IGFBP2: variants seen among roughly 807,000 people sequenced by gnomAD.
IGFBP2 encodes the protein insulin like growth factor binding protein 2.
IGFBP2 carries 12 observed loss-of-function variants against 26.2 expected under a neutral mutation model. The ratio of observed to expected loss-of-function variants is 0.46; its 90% CI spans 0.29 to 0.74. IGFBP2 has a LOEUF of 0.74. Ranked by LOEUF, IGFBP2 falls within the 30% of genes least tolerant of loss-of-function variation. The pLI, the probability that IGFBP2 is intolerant of heterozygous loss-of-function variation, is 0.09. For synonymous variants in IGFBP2, 189 were observed against 200.6 expected (o/e 0.94, Z 0.49); for missense variants, 328 against 441.2 (o/e 0.74, Z 2.30).
At position 216,664,075 on chromosome 2, in the gene IGFBP2, C is replaced by T. The variant is rs370910383; in HGVS notation, c.949C>T (p.Arg317Cys). The change falls in exon 4 of 4, where the codon CGC becomes TGC. Residue 317 changes from arginine to cysteine, a missense_variant. Transcript: ENST00000233809. The surrounding 1 kb of genome is among the most constrained non-coding windows in gnomAD (Gnocchi z 4.6). ...HLFYNEQQEA[R>C]GVHTQRMQ ...CTTCTACAATGAGCAGCAGGAGGCT[C>T]GCGGGGTGCACACCCAGCGGATGCA... The T allele has an allele frequency of 7.0e-5, 113 of 1,612,274 alleles. No homozygotes were observed. Among genetic ancestry groups the T allele is most frequent in the Non-Finnish European group, 9.0e-5 (106 of 1,179,550 alleles).
chr2:216,645,609 A>G (rs1697696821), intron 1 of IGFBP2, among the ~76,000 whole-genome samples: 1 of 152,248 alleles, frequency 6.6e-6, no homozygotes, highest in South Asian at 2.1e-4. Context: ...TCAGATAATC[A>G]AATGAGGTAG....
Position 216,633,650 on chromosome 2 carries a change from C to A in IGFBP2, c.127C>A (p.Pro43Thr). 1 of 1,076,620 alleles carries A rather than the reference C, an allele frequency of 9.3e-7. No homozygotes were observed. Among genetic ancestry groups the A allele is most frequent in the Non-Finnish European group, 1.1e-6 (1 of 892,252 alleles). 66.7% of individuals were successfully genotyped at this position (1,076,620 alleles called of 1,614,324 possible). The change falls in exon 1 of 4, where the codon CCG (proline) becomes ACG (threonine). Residue 43 changes from proline to threonine, a missense_variant. Physicochemically the swap from Pro to Thr is conservative, Grantham distance 38. Coordinates refer to ENST00000233809, the MANE Select transcript of IGFBP2 (RefSeq NM_000597.3). Reference protein sequence around the residue: ...GARAEVLFRCPPCTPERLAAC... With the variant: ...GARAEVLFRCTPCTPERLAAC... ...GCGCGCGGAGGTGCTGTTCCGCTGC[C>A]CGCCCTGCACACCCGAGCGCCTGGC...
Position 216,659,796 on chromosome 2 carries a change from C to T in IGFBP2, c.443-761C>T, listed in dbSNP as rs969352432. Reference sequence around the variant, plus strand: ...GGAGTCATAGTTCCTGTTCTTGGGGCTCTCAGTATAATGGGGTTGGGGTGG... The same window carrying T: ...GGAGTCATAGTTCCTGTTCTTGGGGTTCTCAGTATAATGGGGTTGGGGTGG... On this transcript the variant is annotated intron_variant, in intron 1 of 3. Transcript: ENST00000233809. The T allele has an allele frequency of 1.1e-5, 16 of 1,456,904 alleles. No individual in the cohort carries two copies. The Admixed American group carries it at 2.0e-4, about 18-fold the overall frequency. The allele number at this position is 1,456,904 out of a possible 1,614,324, so 90.2% of individuals were successfully genotyped here.
rs1238036479 is a variant in IGFBP2 at position 216,659,844 on chromosome 2, C to T, written c.443-713C>T. The T allele has an allele frequency of 5.3e-5, 51 of 967,080 alleles. 1 individual carries two copies. Among genetic ancestry groups the T allele is most frequent in the South Asian group, 4.4e-4 (32 of 72,754 alleles). The allele number at this position is 967,080 out of a possible 1,614,324, so 59.9% of individuals were successfully genotyped here. Reference sequence around the variant, plus strand: ...TGGGCTGCACAGACAGACTTGGGAACGAGGGAATGTCAGTGTGGCAGAGCT... The same window carrying T: ...TGGGCTGCACAGACAGACTTGGGAATGAGGGAATGTCAGTGTGGCAGAGCT... On this transcript the variant is annotated intron_variant, in intron 1 of 3. Coordinates refer to ENST00000233809, the MANE Select transcript of IGFBP2 (RefSeq NM_000597.3).
Position 216,661,979 on chromosome 2 carries a change from G to A in IGFBP2, c.794G>A (p.Gly265Asp). Residue 265 changes from glycine to aspartate, a missense_variant, in exon 3 of 4, where the codon GGC (glycine) becomes GAC (aspartate). Gly to Asp is a moderately conservative substitution (Grantham distance 94). Transcript: ENST00000233809. ...CACATCCCCAACTGTGACAAGCATG[G>A]CCTGTACAACCTCAAACAGGTGAGC... The part of the protein sequence containing the change: ...SLHIPNCDKH[G>D]LYNLKQCKMS... The A allele has an allele frequency of 6.2e-7, 1 of 1,614,168 alleles. No individual in the cohort carries two copies. Among genetic ancestry groups the A allele is most frequent in the Non-Finnish European group, 8.5e-7 (1 of 1,180,038 alleles).
chr2:216,661,834 G>A (rs200667577), intron 2 of IGFBP2, 24 bp from the exon 3 acceptor site: 500 of 1,613,744 alleles, frequency 3.1e-4, no homozygotes, highest in Non-Finnish European at 4.0e-4. Flanking sequence ...CACTCCGGGC[G>A]TCCCCTGCTG....
In IGFBP2 at chr2:216,660,923, G is replaced by C. The variant is rs1487170685; in HGVS notation, c.672+137G>C. 4.6e-5 allele frequency: 31 copies of C among 667,950 alleles called. No homozygotes were observed. In the East Asian group the frequency reaches 8.2e-4, roughly 18 times the overall value. The allele number at this position is 667,950 out of a possible 1,614,324, so 41.4% of individuals were successfully genotyped here. A position where few individuals can be genotyped will look rare whatever the true frequency, so the allele number is the denominator to read the frequency against. On this transcript the variant is annotated intron_variant, in intron 2 of 3. Coordinates refer to ENST00000233809, the MANE Select transcript of IGFBP2 (RefSeq NM_000597.3). Reference sequence around the variant, plus strand: ...CACTTTTCTTTCCACAAACATAGTTGTGGAACATAGTTAGTGACCTTTGGG... The same window carrying C: ...CACTTTTCTTTCCACAAACATAGTTCTGGAACATAGTTAGTGACCTTTGGG...
At chr2:216,639,948 T>A (rs1363010393) in intron 1 of IGFBP2, among the ~76,000 whole-genome samples, 1 of 152,124 alleles carries the variant, frequency 6.6e-6, no homozygotes, top group East Asian at 1.9e-4. Context: ...TGGCCTATTT[T>A]AATTTTTTAA....
chr2:216,662,760 A>C (rs1056643742), intron 3 of IGFBP2: 2 of 149,392 alleles, frequency 1.3e-5, no homozygotes, highest in South Asian at 2.1e-4. Flanking sequence ...GCTCACTGCA[A>C]CCTCCGCCTG....
chr2:216,650,537 T>C (rs1165259214), intron 1 of IGFBP2, among the ~76,000 whole-genome samples: 1 of 152,188 alleles, frequency 6.6e-6, no homozygotes, highest in East Asian at 1.9e-4. Flanking sequence ...GTGCATCATC[T>C]CCTGTAGGTG....
At chr2:216,660,433 A>G (rs988825819) in intron 1 of IGFBP2, 124 bp from the exon 2 acceptor site, 3 of 668,518 alleles carry the variant, frequency 4.5e-6, no homozygotes, top group Admixed American at 2.9e-5. Context: ...CTGACAGGCC[A>G]TCAGCACTCA....
intron 1 of IGFBP2, among the ~76,000 whole-genome samples, chr2:216,650,115 C>A (rs1697790616): frequency 6.6e-6 from 1 of 152,214 alleles, no homozygotes; most frequent in African/African-American, 2.4e-5. Context: ...GGGGGCCTGG[C>A]AATGCCAGAG....
chr2:216,650,530 C>T lies in IGFBP2; in HGVS notation c.443-10027C>T, dbSNP rs570282251. On this transcript the variant is annotated intron_variant, in intron 1 of 3. Coordinates refer to ENST00000233809, the MANE Select transcript of IGFBP2 (RefSeq NM_000597.3). Reference sequence around the variant, plus strand: ...GGCTCTCTGCCCTCCCTTGGTGGTGCATCATCTCCTGTAGGTGTTTTGTCA... The same window carrying T: ...GGCTCTCTGCCCTCCCTTGGTGGTGTATCATCTCCTGTAGGTGTTTTGTCA... Among the ~76,000 whole-genome samples the T allele has an allele frequency of 2.6e-5, 4 of 152,332 alleles. No individual in the cohort carries two copies. The East Asian group carries it at 7.7e-4, about 29-fold the overall frequency.
intron 1 of IGFBP2, among the ~76,000 whole-genome samples, chr2:216,650,494 G>A (rs552079890): frequency 2.0e-5 from 3 of 152,304 alleles, no homozygotes; most frequent in South Asian, 2.1e-4. Flanking sequence ...GGGATTCATC[G>A]GCCAGGTGGG....
At chr2:216,660,475 A>T in intron 1 of IGFBP2, 82 bp from the exon 2 acceptor site, 1 of 1,007,290 alleles carries the variant, frequency 9.9e-7, no homozygotes, top group Non-Finnish European at 1.4e-6. Context: ...CCTCATCATC[A>T]TTACGGTCCA....
chr2:216,655,905 A>AC (rs1451626262), intron 1 of IGFBP2, among the ~76,000 whole-genome samples: 1 of 152,030 alleles, frequency 6.6e-6, no homozygotes, highest in African/African-American at 2.4e-5. Context: ...AAAAAAACAA[A>AC]AAAAAAAAAT....
At chr2:216,661,292 G>T (rs529840452) in intron 2 of IGFBP2, 1 of 250,992 alleles carries the variant, frequency 4.0e-6, no homozygotes, top group Admixed American at 5.2e-5. Context: ...TGGTGGAAAT[G>T]TGGGTCTCAC....
In IGFBP2 at chr2:216,664,369, G is replaced by A; in HGVS notation, c.*265G>A. The A allele has an allele frequency of 2.9e-6, 1 of 343,470 alleles. No individual in the cohort carries two copies. Among genetic ancestry groups the A allele is most frequent in the Non-Finnish European group, 5.3e-6 (1 of 190,128 alleles). 21.3% of individuals were successfully genotyped at this position (343,470 alleles called of 1,614,324 possible). ...AGCTGGGGTACAGGTTTGGGGAGGGGGAAGAGAAATTTTTATTTTTGAACC... is the reference window on the plus strand; with the variant it reads ...AGCTGGGGTACAGGTTTGGGGAGGGAGAAGAGAAATTTTTATTTTTGAACC... On this transcript the variant is annotated 3_prime_UTR_variant, in exon 4 of 4. Coordinates refer to ENST00000233809, the MANE Select transcript of IGFBP2 (RefSeq NM_000597.3). This position sits in a 1 kb window ranked among gnomAD's most constrained non-coding sequence, Gnocchi z 4.6.
intron 1 of IGFBP2, among the ~76,000 whole-genome samples, chr2:216,649,416 T>C (rs937742528): frequency 1.3e-5 from 2 of 152,202 alleles, no homozygotes; most frequent in Admixed American, 1.3e-4. Flanking sequence ...CCTGTGCACA[T>C]GTAGAGAGAA....
Sources: gnomAD v4.1 joint callset for allele counts (sites outside exome capture counted in the v4.1 genomes callset) on GRCh38, gnomAD v4.1.1 for gene constraint, Gnocchi (gnomAD v3.1) non-coding constraint, MANE v1.5 for transcripts, NCBI Gene and HGNC (gene_info 2026-07-23, HGNC 2026-07-21) for gene names.